HTR2A: variants seen among roughly 807,000 people sequenced by gnomAD.
The protein encoded by HTR2A is 5-HT2 receptor.
Under a neutral mutation model 31.0 loss-of-function variants are expected in HTR2A, and 14 were observed. The ratio of observed to expected loss-of-function variants is 0.45; its 90% confidence interval spans 0.30 to 0.71. HTR2A has a LOEUF of 0.71. Among genes scored for constraint, HTR2A ranks in the 30% least tolerant of loss-of-function variants. The pLI, the probability that HTR2A is intolerant of heterozygous loss-of-function variation, is 0.09. For synonymous variants in HTR2A, 209 were observed against 225.2 expected (o/e 0.93, Z 0.64); for missense variants, 442 against 573.3 (o/e 0.77, Z 2.34).
At chr13:46,877,022 T>TGGGAAGG (rs1332013542) in intron 3 of HTR2A, among the ~76,000 whole-genome samples, 1 of 152,164 alleles carries the variant, frequency 6.6e-6, no homozygotes, top group Admixed American at 6.5e-5. Flanking sequence ...CAATCATCTC[T>TGGGAAGG]GGATGAAGGG....
At chr13:46,890,308 A>G (rs1951042532) in intron 3 of HTR2A, among the ~76,000 whole-genome samples, 1 of 152,218 alleles carries the variant, frequency 6.6e-6, no homozygotes, top group African/African-American at 2.4e-5. Context: ...GCACCATTGC[A>G]CTCCAGCCTG....
intron 3 of HTR2A, among the ~76,000 whole-genome samples, chr13:46,836,443 A>G (rs529777222): frequency 2.0e-5 from 3 of 152,302 alleles, no homozygotes; most frequent in East Asian, 1.9e-4. Flanking sequence ...TTTGTACCTT[A>G]TATGTTTTAG....
At chr13:46,881,194 C>T (rs1250420592) in intron 3 of HTR2A, among the ~76,000 whole-genome samples, 1 of 152,194 alleles carries the variant, frequency 6.6e-6, no homozygotes, top group Non-Finnish European at 1.5e-5. Context: ...CCTAAATTCT[C>T]TTGCATCTGT....
intron 3 of HTR2A, among the ~76,000 whole-genome samples, chr13:46,888,459 T>G (rs1951026723): frequency 9.1e-6 from 1 of 109,914 alleles, no homozygotes; most frequent in African/African-American, 3.7e-5. Flanking sequence ...ATTTGCCACC[T>G]ATGAAGTGCT....
intron 3 of HTR2A, among the ~76,000 whole-genome samples, chr13:46,839,751 C>G (rs114594919): frequency 6.6e-6 from 1 of 152,114 alleles, no homozygotes; most frequent in Admixed American, 6.6e-5. Flanking sequence ...GAATGGGAAA[C>G]CTTGACACCT....
At chr13:46,844,046 A>G (rs1326216407) in intron 3 of HTR2A, among the ~76,000 whole-genome samples, 2 of 152,120 alleles carry the variant, frequency 1.3e-5, no homozygotes, top group African/African-American at 2.4e-5. Context: ...TTCTTACTCA[A>G]TATTCCTTCA....
At chr13:46,836,415 G>A (rs1876454784) in intron 3 of HTR2A, among the ~76,000 whole-genome samples, 1 of 152,016 alleles carries the variant, frequency 6.6e-6, no homozygotes, top group African/African-American at 2.4e-5. Context: ...TGTATATGCA[G>A]TACTTTACAT....
At chr13:46,847,413 AG>A (rs2138195261) in intron 3 of HTR2A, among the ~76,000 whole-genome samples, 1 of 152,342 alleles carries the variant, frequency 6.6e-6, no homozygotes, top group Admixed American at 6.5e-5. Flanking sequence ...AAATGCTTAC[AG>A]GGCCAGTGAA....
At position 46,864,795 on chromosome 13, in the gene HTR2A, A is replaced by G. The variant is rs544798603; in HGVS notation, c.613+27595T>C. Among the ~76,000 whole-genome samples the G allele has an allele frequency of 2.0e-5, 3 of 152,280 alleles. No individual in the cohort carries two copies. In the South Asian group the frequency reaches 6.2e-4, roughly 32 times the overall value. ...CTAGTTGTTTATCTAGAGAATGCCT[A>G]TGTAATAGGATGCATCTGTTTGGCT... is the stretch of plus-strand genomic sequence containing the variant. On this transcript the variant is annotated intron_variant, in intron 3 of 3. Coordinates refer to ENST00000542664, the MANE Select transcript of HTR2A (RefSeq NM_000621.5).
At chr13:46,841,991 A>G (rs1277965119) in intron 3 of HTR2A, among the ~76,000 whole-genome samples, 1 of 152,210 alleles carries the variant, frequency 6.6e-6, no homozygotes, top group Non-Finnish European at 1.5e-5. Flanking sequence ...TAATAAGGCA[A>G]CTTCTGCTGA....
Position 46,863,611 on chromosome 13 carries a change from A to C in HTR2A, c.614-27972T>G, listed in dbSNP as rs532844630. 2.3e-5 allele frequency among the ~76,000 whole-genome samples: 3 copies of C among 133,078 alleles called. No homozygotes were observed. In the East Asian group the frequency reaches 7.5e-4, roughly 33 times the overall value. 87.3% of individuals were successfully genotyped at this position (133,078 alleles called of 152,430 possible). On this transcript the variant is annotated intron_variant, in intron 3 of 3. Coordinates refer to ENST00000542664, the MANE Select transcript of HTR2A (RefSeq NM_000621.5). ...CACTGCACTCCAGCCTGGGCACCAG[A>C]GTGAGACTCCCTCAAAATGAAAAAA...
At chr13:46,875,983 C>T (rs1308459801) in intron 3 of HTR2A, among the ~76,000 whole-genome samples, 4 of 152,176 alleles carry the variant, frequency 2.6e-5, no homozygotes, top group Admixed American at 1.3e-4. Context: ...GGGGAGAAGA[C>T]ATTCTGATTT....
chr13:46,840,866 A>G (rs977003), intron 3 of HTR2A, among the ~76,000 whole-genome samples: 1 of 151,944 alleles, frequency 6.6e-6, no homozygotes, highest in Non-Finnish European at 1.5e-5. Flanking sequence ...AATAAGCACT[A>G]AATTACACCA....
intron 2 of HTR2A, 105 bp from the exon 3 acceptor site, chr13:46,892,695 G>A: frequency 1.2e-6 from 1 of 852,578 alleles, no homozygotes; most frequent in Non-Finnish European, 1.9e-6. Flanking sequence ...ACAGGTGGTG[G>A]CAAAGGGCAA....
At chr13:46,869,127 G>A (rs1950844694) in intron 3 of HTR2A, among the ~76,000 whole-genome samples, 1 of 152,120 alleles carries the variant, frequency 6.6e-6, no homozygotes, top group Non-Finnish European at 1.5e-5. Context: ...ATCAAAGTAT[G>A]TTACCAAGAC....
chr13:46,882,767 A>G (rs950057106), intron 3 of HTR2A, among the ~76,000 whole-genome samples: 2 of 152,274 alleles, frequency 1.3e-5, no homozygotes, highest in Non-Finnish European at 2.9e-5. Flanking sequence ...ATTAACACTT[A>G]TATGACAAAC....
intron 3 of HTR2A, among the ~76,000 whole-genome samples, 153 bp from the exon 4 acceptor site, chr13:46,835,792 A>T (rs1283526066): frequency 6.6e-6 from 1 of 152,206 alleles, no homozygotes; most frequent in Non-Finnish European, 1.5e-5. Context: ...TTGGACTTAC[A>T]TATGTGTTTT....
At chr13:46,872,458 G>C (rs541871526) in intron 3 of HTR2A, among the ~76,000 whole-genome samples, 61 of 133,138 alleles carry the variant, frequency 4.6e-4, no homozygotes, top group African/African-American at 1.4e-3. Flanking sequence ...AATAACTTTG[G>C]AGTTTCAGGC....
intron 3 of HTR2A, among the ~76,000 whole-genome samples, chr13:46,878,840 G>T (rs892256718): frequency 6.6e-6 from 1 of 152,098 alleles, no homozygotes; most frequent in South Asian, 2.1e-4. Context: ...AGTTTATACT[G>T]CCTCACCCCT....
Sources: allele counts gnomAD v4.1 joint callset (sites outside exome capture counted in the v4.1 genomes callset), GRCh38; gene constraint gnomAD v4.1.1; transcripts MANE v1.5; gene names NCBI Gene and HGNC (gene_info 2026-07-23, HGNC 2026-07-21).